PRELID2: variants seen among roughly 807,000 people sequenced by gnomAD.
PRELID2 encodes PRELI domain containing 2, also known as PRELI domain-containing protein 2.
Under a neutral mutation model 28.4 loss-of-function variants are expected in PRELID2, and 25 were observed. The observed-to-expected ratio is 0.88, with a 90% confidence interval of 0.64 to 1.23. The LOEUF (loss-of-function observed/expected upper bound fraction) is 1.23, where lower values mean the gene tolerates loss of function less well. Among genes scored for constraint, PRELID2 ranks in the 50% most tolerant of loss-of-function variants. PRELID2 has a pLI of 0.00. For synonymous variants in PRELID2, 76 were observed against 71.6 expected (o/e 1.06, Z -0.31); for missense variants, 201 against 214.4 (o/e 0.94, Z 0.39).
chr5:145,423,771 G>T, the PRELID2 span, among the ~76,000 whole-genome samples: 1 of 126,978 alleles, frequency 7.9e-6, no homozygotes, highest in African/African-American at 3.0e-5. Flanking sequence ...TTGTTCCGTT[G>T]CTGGTGAGGA....
the PRELID2 span, among the ~76,000 whole-genome samples, chr5:145,455,812 A>G: frequency 6.6e-6 from 1 of 152,088 alleles, no homozygotes; most frequent in African/African-American, 2.4e-5. Context: ...GACCCCTTGC[A>G]CTTCCTGGGT....
chr5:145,607,514 T>C (rs180961481), intron 1 of PRELID2, among the ~76,000 whole-genome samples: 7 of 152,320 alleles, frequency 4.6e-5, no homozygotes, highest in Non-Finnish European at 7.4e-5. Flanking sequence ...CTAAAAGTCA[T>C]TCAGGAACAG....
intron 5 of PRELID2, among the ~76,000 whole-genome samples, chr5:145,765,570 C>CAGCGG (rs1757697108): frequency 6.6e-6 from 1 of 152,230 alleles, no homozygotes; most frequent in East Asian, 1.9e-4. Context: ...CTGGTATGTA[C>CAGCGG]AGCGGTATAA....
chr5:145,635,007 T>C (rs1753981481), intron 1 of PRELID2, among the ~76,000 whole-genome samples: 1 of 152,184 alleles, frequency 6.6e-6, no homozygotes, highest in African/African-American at 2.4e-5. Context: ...GTCCTACCTC[T>C]GAGTCTTTGT....
intron 4 of PRELID2, among the ~76,000 whole-genome samples, chr5:145,800,284 C>T (rs1333056631): frequency 7.1e-6 from 1 of 140,338 alleles, no homozygotes; most frequent in African/African-American, 2.7e-5. Flanking sequence ...TCCCCCTTCC[C>T]TTTCCTCCCC....
rs1031383350 is a variant in PRELID2, at chr5:145,614,182, C to T, written n.71-140867G>A. Among the ~76,000 whole-genome samples, 5 of 152,296 alleles carry T rather than the reference C, an allele frequency of 3.3e-5. No homozygotes were observed. In the East Asian group the frequency reaches 9.7e-4, roughly 29 times the overall value. On this transcript the variant is annotated intron_variant and non_coding_transcript_variant, in intron 1 of 2. Coordinates refer to the PRELID2 transcript ENST00000510259. ...TATTCTGTTCCACTGGTCTTTGTGC[C>T]TGTTTTTGTACCAGTACCATGCTGT...
chr5:145,457,266 A>G, the PRELID2 span, among the ~76,000 whole-genome samples: 1 of 152,214 alleles, frequency 6.6e-6, no homozygotes, highest in Admixed American at 6.5e-5. Flanking sequence ...CCATAAAATG[A>G]TCATATCAAT....
chr5:145,470,870 C>G (rs572551537), downstream of PRELID2, among the ~76,000 whole-genome samples: 26 of 152,192 alleles, frequency 1.7e-4, no homozygotes, highest in South Asian at 5.0e-3. Flanking sequence ...CAAGTCAAAA[C>G]AGCAGCTTGG....
chr5:145,542,791 T>C (rs1752755329), intron 1 of PRELID2, among the ~76,000 whole-genome samples: 7 of 148,158 alleles, frequency 4.7e-5, no homozygotes. Flanking sequence ...CTTTCTGTCT[T>C]TTTCTCTTTT....
intron 1 of PRELID2, among the ~76,000 whole-genome samples, chr5:145,681,065 G>A (rs532384127): frequency 3.3e-5 from 5 of 152,272 alleles, no homozygotes; most frequent in East Asian, 3.9e-4. Context: ...TGTCTGCTTC[G>A]GCAGTGGCCT....
chr5:145,804,434 C>T (rs1753356843), intron 4 of PRELID2, among the ~76,000 whole-genome samples: 1 of 152,030 alleles, frequency 6.6e-6, no homozygotes, highest in South Asian at 2.1e-4. Context: ...TGCTTGAACC[C>T]AGGAGGCGGA....
the PRELID2 span, among the ~76,000 whole-genome samples, chr5:145,337,230 T>G: frequency 6.6e-6 from 1 of 151,404 alleles, no homozygotes; most frequent in South Asian, 2.1e-4. Flanking sequence ...CAGAAATAAA[T>G]GACATTAAGA....
At chr5:145,364,512 T>C in the PRELID2 span, among the ~76,000 whole-genome samples, 2 of 152,016 alleles carry the variant, frequency 1.3e-5, no homozygotes, top group African/African-American at 4.8e-5. Context: ...ATTTGTTTTA[T>C]CTACTCATAG....
At chr5:145,585,233 A>G (rs13353880) in intron 1 of PRELID2, among the ~76,000 whole-genome samples, 27,470 of 152,126 alleles carry the variant, frequency 0.18, 4,178 homozygotes, top group African/African-American at 0.41. Flanking sequence ...GGAGCTGAAC[A>G]ATGAGAACAC....
chr5:145,618,642 T>G (rs1413467336), intron 1 of PRELID2, among the ~76,000 whole-genome samples: 1 of 152,142 alleles, frequency 6.6e-6, no homozygotes, highest in Non-Finnish European at 1.5e-5. Flanking sequence ...TAATGCTCTA[T>G]TTTTGTGCTG....
chr5:145,689,093 G>A (rs759375862), intron 1 of PRELID2, among the ~76,000 whole-genome samples: 5 of 152,148 alleles, frequency 3.3e-5, no homozygotes, highest in Non-Finnish European at 5.9e-5. Flanking sequence ...GAAGAGGTTG[G>A]TATTATTAAA....
intron 5 of PRELID2, chr5:145,795,112 A>G (rs565686446): frequency 1.1e-4 from 16 of 152,318 alleles, no homozygotes; most frequent in African/African-American, 3.8e-4. Context: ...TTATCATCAT[A>G]CAGAGTTTAA....
At chr5:145,702,713 C>CA (rs1755438846) in intron 1 of PRELID2, among the ~76,000 whole-genome samples, 1 of 152,072 alleles carries the variant, frequency 6.6e-6, no homozygotes, top group African/African-American at 2.4e-5. Flanking sequence ...AATGAGGTCA[C>CA]AAAAATTTGG....
chr5:145,828,025 A>T (rs1189053921), intron 1 of PRELID2, among the ~76,000 whole-genome samples: 1 of 152,224 alleles, frequency 6.6e-6, no homozygotes, highest in East Asian at 1.9e-4. Flanking sequence ...ATTGTTTTTG[A>T]AATGTTTTAT....
Sources: gnomAD v4.1 joint callset for allele counts (sites outside exome capture counted in the v4.1 genomes callset) on GRCh38, gnomAD v4.1.1 for gene constraint, MANE v1.5 for transcripts, NCBI Gene and HGNC (gene_info 2026-07-23, HGNC 2026-07-21) for gene names.